Variants in AGBL4 observed in about 807,000 individuals in gnomAD.
The protein encoded by AGBL4 is AGBL carboxypeptidase 4.
A neutral mutation model predicts 66.4 loss-of-function variants in AGBL4; 58 were observed. That is an observed-to-expected ratio of 0.87 (90% CI 0.71 to 1.09). The LOEUF (loss-of-function observed/expected upper bound fraction) is 1.09. Among genes scored for constraint, AGBL4 ranks in the 50% least tolerant of loss-of-function variants. AGBL4 has a pLI of 0.00. For missense variants in AGBL4, 579 were observed against 631.0 expected (o/e 0.92, Z 0.88); for synonymous variants, 234 against 222.9 (o/e 1.05, Z -0.44).
chr1:49,920,641 TG>T (rs1479369063), intron 1 of AGBL4, among the ~76,000 whole-genome samples: 2 of 152,170 alleles, frequency 1.3e-5, no homozygotes, highest in African/African-American at 4.8e-5. Flanking sequence ...ACACTCTTGG[TG>T]GGACTGTAAA....
chr1:50,004,223 C>A (rs769451100), intron 1 of AGBL4, among the ~76,000 whole-genome samples: 1 of 152,272 alleles, frequency 6.6e-6, no homozygotes, highest in Non-Finnish European at 1.5e-5. Flanking sequence ...TCAACCAGTG[C>A]CCCCAGAAGG....
intron 4 of AGBL4, among the ~76,000 whole-genome samples, chr1:49,224,399 C>T (rs1187512026): frequency 2.0e-5 from 3 of 151,910 alleles, no homozygotes; most frequent in Non-Finnish European, 4.4e-5. Context: ...AGGCAGATCA[C>T]GAGGTCAGGA....
intron 1 of AGBL4, among the ~76,000 whole-genome samples, chr1:49,913,482 C>A (rs1363413950): frequency 6.6e-6 from 1 of 152,240 alleles, no homozygotes; most frequent in Non-Finnish European, 1.5e-5. Context: ...GCAGTCCTGC[C>A]CCTATGGCGT....
At chr1:49,590,216 C>T (rs1439111046) in intron 3 of AGBL4, among the ~76,000 whole-genome samples, 1 of 151,808 alleles carries the variant, frequency 6.6e-6, no homozygotes, top group African/African-American at 2.4e-5. Flanking sequence ...ATCTGGAAAC[C>T]AGCTAAAAGC....
intron 11 of AGBL4, among the ~76,000 whole-genome samples, chr1:48,544,306 C>T (rs545237693): frequency 6.9e-4 from 105 of 152,288 alleles, no homozygotes; most frequent in Middle Eastern, 3.4e-3. Context: ...TGGTTGTGTG[C>T]GCCAGCAGTA....
intron 3 of AGBL4, among the ~76,000 whole-genome samples, chr1:49,258,646 T>C (rs1336341808): frequency 6.6e-6 from 1 of 152,118 alleles, no homozygotes; most frequent in African/African-American, 2.4e-5. Flanking sequence ...CCAAGAAATA[T>C]GGGACTATGT....
intron 2 of AGBL4, among the ~76,000 whole-genome samples, chr1:49,706,414 TTG>T (rs1421820645): frequency 6.6e-6 from 1 of 152,174 alleles, no homozygotes; most frequent in Non-Finnish European, 1.5e-5. Context: ...TCATTTTTTA[TTG>T]TGTTTTTTGT....
chr1:48,779,063 T>C (rs2148715822), intron 6 of AGBL4, among the ~76,000 whole-genome samples: 1 of 152,320 alleles, frequency 6.6e-6, no homozygotes, highest in Admixed American at 6.5e-5. Flanking sequence ...AGTTTTTATT[T>C]TAAGAATACA....
rs1664382279 is a variant in AGBL4 at position 49,033,364 on chromosome 1, A to T, written c.594+12220T>A. ...ATTACTAACTTCCAAAAATTATTCA[A>T]TTTAAAATTCATCCAAAAAGATGTA... On this transcript the variant is annotated intron_variant, in intron 5 of 13. Transcript: ENST00000371839. Among the ~76,000 whole-genome samples, 3 of 152,160 alleles carry T rather than the reference A, an allele frequency of 2.0e-5. No homozygotes were observed. The South Asian group carries it at 6.2e-4, about 32-fold the overall frequency.
intron 1 of AGBL4, among the ~76,000 whole-genome samples, chr1:49,958,317 T>C (rs1355496598): frequency 1.3e-5 from 2 of 152,036 alleles, no homozygotes; most frequent in African/African-American, 4.8e-5. Context: ...TCAACTTTGG[T>C]GAATCTGACA....
At chr1:50,007,304 A>G (rs1276540385) in intron 1 of AGBL4, among the ~76,000 whole-genome samples, 1 of 152,216 alleles carries the variant, frequency 6.6e-6, no homozygotes, top group Non-Finnish European at 1.5e-5. Flanking sequence ...ACAAGGAAGG[A>G]AAGAAAGAAG....
At chr1:48,542,431 T>C (rs1232816785) in intron 11 of AGBL4, among the ~76,000 whole-genome samples, 1 of 152,210 alleles carries the variant, frequency 6.6e-6, no homozygotes, top group Non-Finnish European at 1.5e-5. Context: ...TCTTCCACAA[T>C]GGTTGAAATA....
At chr1:48,922,801 C>T (rs949431531) in intron 5 of AGBL4, among the ~76,000 whole-genome samples, 1 of 151,770 alleles carries the variant, frequency 6.6e-6, no homozygotes, top group Non-Finnish European at 1.5e-5. Flanking sequence ...CACATCATGT[C>T]CAATTAATAT....
In AGBL4 at chr1:49,406,449, C is replaced by T. The variant is rs79220850; in HGVS notation, c.283-160585G>A. On this transcript the variant is annotated intron_variant, in intron 3 of 13. Transcript: ENST00000371839. Reference sequence around the variant, plus strand: ...GGAGACTTTTATTCATGAAGATGTTCGTTGAAGCATTATTTATAACAAAGA... The same window carrying T: ...GGAGACTTTTATTCATGAAGATGTTTGTTGAAGCATTATTTATAACAAAGA... Among the ~76,000 whole-genome samples, 408 of 152,094 alleles carry T rather than the reference C, an allele frequency of 2.7e-3. 3 individuals are homozygous for T. The highest frequency in any genetic ancestry group is 9.5e-3 in the African/African-American group (393 of 41,494).
At chr1:49,149,732 G>A (rs953085987) in intron 4 of AGBL4, among the ~76,000 whole-genome samples, 11 of 152,298 alleles carry the variant, frequency 7.2e-5, no homozygotes, top group Admixed American at 6.5e-5. Flanking sequence ...GATGTAACCA[G>A]TGTTAAGTAA....
intron 5 of AGBL4, among the ~76,000 whole-genome samples, chr1:48,960,984 G>A (rs1657919234): frequency 6.6e-6 from 1 of 152,172 alleles, no homozygotes; most frequent in Non-Finnish European, 1.5e-5. Flanking sequence ...CACACTCATT[G>A]ACACCAGCTC....
At chr1:49,998,914 G>T (rs1383906382) in intron 1 of AGBL4, among the ~76,000 whole-genome samples, 1 of 151,972 alleles carries the variant, frequency 6.6e-6, no homozygotes, top group Non-Finnish European at 1.5e-5. Context: ...CAGCAAAATC[G>T]CCATGGAAGG....
chr1:49,724,070 C>A (rs1475424825), intron 2 of AGBL4, among the ~76,000 whole-genome samples: 5 of 152,032 alleles, frequency 3.3e-5, no homozygotes, highest in African/African-American at 7.2e-5. Context: ...CTTACCCAAC[C>A]AGTAATAAGG....
At chr1:48,847,012 C>A (rs559542199) in intron 6 of AGBL4, among the ~76,000 whole-genome samples, 1 of 151,950 alleles carries the variant, frequency 6.6e-6, no homozygotes, top group Non-Finnish European at 1.5e-5. Flanking sequence ...AACAAAAAAA[C>A]GAACTTGGCT....
Sources: gnomAD v4.1 joint callset for allele counts (sites outside exome capture counted in the v4.1 genomes callset) on GRCh38, gnomAD v4.1.1 for gene constraint, MANE v1.5 for transcripts, NCBI Gene and HGNC (gene_info 2026-07-23, HGNC 2026-07-21) for gene names.